Variants in CELF2 observed in about 807,000 individuals in gnomAD.
CELF2 encodes the protein CUGBP Elav-like family member 2.
Under a neutral mutation model 62.6 loss-of-function variants are expected in CELF2, and 8 were observed. The observed-to-expected ratio is 0.13, with a 90% CI of 0.07 to 0.23. The LOEUF (loss-of-function observed/expected upper bound fraction) is 0.23. CELF2 is among the 10% of genes least tolerant of loss of function. The pLI, the probability that CELF2 is intolerant of heterozygous loss-of-function variation, is 1.00. For synonymous variants in CELF2, 258 were observed against 250.0 expected (o/e 1.03, Z -0.30); for missense variants, 333 against 671.0 (o/e 0.50, Z 5.56).
chr10:10,996,913 T>G (rs1201183093), intron 2 of CELF2, among the ~76,000 whole-genome samples: 1 of 152,232 alleles, frequency 6.6e-6, no homozygotes, highest in African/African-American at 2.4e-5. Flanking sequence ...CCAATGACCC[T>G]GTTTTACCTT....
intron 2 of CELF2, among the ~76,000 whole-genome samples, chr10:10,933,905 G>A (rs114528933): frequency 0.013 from 2,026 of 152,306 alleles, 33 homozygotes; most frequent in African/African-American, 0.043. Context: ...CCATGAACAC[G>A]GGAGTGCAGA....
intron 1 of CELF2, among the ~76,000 whole-genome samples, chr10:10,837,926 A>G (rs1294649174): frequency 6.6e-6 from 1 of 152,212 alleles, no homozygotes; most frequent in Non-Finnish European, 1.5e-5. Context: ...ATCTTGTGTT[A>G]GTATGGTATA....
intron 2 of CELF2, among the ~76,000 whole-genome samples, chr10:10,996,625 G>GTA (rs1271594307): frequency 6.6e-6 from 1 of 152,166 alleles, no homozygotes; most frequent in Non-Finnish European, 1.5e-5. Flanking sequence ...TCATAACTTT[G>GTA]TATGTATATA....
At chr10:11,254,674 T>C (rs369901172) in intron 4 of CELF2, among the ~76,000 whole-genome samples, 2 of 152,372 alleles carry the variant, frequency 1.3e-5, no homozygotes, top group African/African-American at 4.8e-5. Flanking sequence ...ATTATAGGTT[T>C]AGCAGTGAAA....
chr10:10,737,716 A>C, the CELF2 span, among the ~76,000 whole-genome samples: 1 of 151,826 alleles, frequency 6.6e-6, no homozygotes, highest in African/African-American at 2.4e-5. Flanking sequence ...ACTTGATGGC[A>C]TGCTAGATTG....
chr10:11,248,434 CTCCATCCTTCCT>C lies in CELF2; in HGVS notation c.355-701_355-690del, dbSNP rs540255280. 3.5e-3 allele frequency among the ~76,000 whole-genome samples: 530 copies of C among 152,268 alleles called. 13 individuals carry two copies. The highest frequency in any genetic ancestry group is 4.8e-3 in the South Asian group (23 of 4,820). ...TCTCCCTCCCTTCCACCCTCCTCCT[CTCCATCCTTCCT>C]TCCATCCTTCCTTCCATTCTTCAGT... On this transcript the variant is annotated intron_variant, in intron 3 of 12. Coordinates refer to ENST00000633077, the MANE Select transcript of CELF2 (RefSeq NM_001326342.2).
At chr10:10,686,032 C>G in the CELF2 span, among the ~76,000 whole-genome samples, 3 of 152,068 alleles carry the variant, frequency 2.0e-5, no homozygotes, top group Non-Finnish European at 2.9e-5. Context: ...GCAAACCGCA[C>G]CTAACTTTTC....
intron 2 of CELF2, among the ~76,000 whole-genome samples, chr10:11,184,952 T>G (rs368322144): frequency 2.8e-4 from 42 of 152,328 alleles, no homozygotes; most frequent in African/African-American, 1.0e-3. Flanking sequence ...TATTATCATG[T>G]TCTTGATATT....
intron 1 of CELF2, among the ~76,000 whole-genome samples, chr10:10,830,419 G>C (rs1049012420): frequency 1.3e-5 from 2 of 152,044 alleles, no homozygotes; most frequent in Non-Finnish European, 2.9e-5. Flanking sequence ...CTTAATACCA[G>C]TCTATTTCCT....
the CELF2 span, among the ~76,000 whole-genome samples, chr10:10,719,464 G>T: frequency 6.6e-6 from 1 of 151,918 alleles, no homozygotes; most frequent in Non-Finnish European, 1.5e-5. Flanking sequence ...TGGGGTCTTG[G>T]TATACTGCAC....
chr10:10,992,178 C>T (rs1171649148), intron 2 of CELF2, among the ~76,000 whole-genome samples: 1 of 152,180 alleles, frequency 6.6e-6, no homozygotes, highest in Non-Finnish European at 1.5e-5. Flanking sequence ...AATGTTTATT[C>T]TTACACTTAT....
chr10:11,236,215 C>A (rs930207789), intron 3 of CELF2, among the ~76,000 whole-genome samples: 1 of 152,174 alleles, frequency 6.6e-6, no homozygotes, highest in African/African-American at 2.4e-5. Flanking sequence ...ATGCCCGTAT[C>A]CTGTCAGAAG....
the CELF2 span, among the ~76,000 whole-genome samples, chr10:10,553,165 C>A: frequency 6.6e-6 from 1 of 152,174 alleles, no homozygotes; most frequent in African/African-American, 2.4e-5. Context: ...GCAAACACAC[C>A]TTATATGGTG....
At chr10:10,772,256 T>A in the CELF2 span, among the ~76,000 whole-genome samples, 1 of 152,234 alleles carries the variant, frequency 6.6e-6, no homozygotes, top group Non-Finnish European at 1.5e-5. Flanking sequence ...GAATTTGGAC[T>A]TGCAGTCTAA....
At chr10:10,880,177 A>G (rs1020872083) in intron 1 of CELF2, among the ~76,000 whole-genome samples, 1 of 152,180 alleles carries the variant, frequency 6.6e-6, no homozygotes, top group African/African-American at 2.4e-5. Flanking sequence ...GACTGTTACT[A>G]GTTTCTTGAC....
chr10:10,672,517 A>G, the CELF2 span, among the ~76,000 whole-genome samples: 2 of 147,052 alleles, frequency 1.4e-5, no homozygotes, highest in Admixed American at 6.8e-5. Context: ...TTGCATATGC[A>G]TGTCTAGTTG....
At position 11,213,665 on chromosome 10, in the gene CELF2, T is replaced by C. The variant is rs544318990; in HGVS notation, c.272-3760T>C. Among the ~76,000 whole-genome samples the C allele has an allele frequency of 3.3e-5, 5 of 152,324 alleles. No homozygotes were observed. In the East Asian group the frequency reaches 5.8e-4, roughly 18 times the overall value. On this transcript the variant is annotated intron_variant, in intron 2 of 12. Coordinates refer to ENST00000633077, the MANE Select transcript of CELF2 (RefSeq NM_001326342.2). ...ATGGTTGTTAACTAGGAGAAACTCA[T>C]AGAAAGTCTTTCAAACACATTCCAG...
chr10:10,778,811 C>A, the CELF2 span, among the ~76,000 whole-genome samples: 2 of 152,182 alleles, frequency 1.3e-5, no homozygotes, highest in Non-Finnish European at 2.9e-5. Flanking sequence ...GGGTTGCAGT[C>A]CAGGTACATA....
the CELF2 span, among the ~76,000 whole-genome samples, chr10:10,736,093 GA>G: frequency 6.6e-6 from 1 of 152,126 alleles, no homozygotes; most frequent in African/African-American, 2.4e-5. Flanking sequence ...GTCTAGTTCT[GA>G]AAATTCTCTC....
Sources: allele counts gnomAD v4.1 joint callset (sites outside exome capture counted in the v4.1 genomes callset), GRCh38; gene constraint gnomAD v4.1.1; transcripts MANE v1.5; gene names NCBI Gene and HGNC (gene_info 2026-07-23, HGNC 2026-07-21).